The following PDE4D variants were observed in gnomAD, a reference collection of about 807,000 sequenced individuals.
PDE4D encodes the protein 3',5'-cyclic-AMP phosphodiesterase 4D.
In PDE4D, 24 loss-of-function variants were observed where a neutral mutation model predicts 87.4. That is an observed-to-expected ratio of 0.27 (90% confidence interval 0.20 to 0.39). The LOEUF (loss-of-function observed/expected upper bound fraction) is 0.39, where lower values mean the gene tolerates loss of function less well. Among genes scored for constraint, PDE4D ranks in the 10% least tolerant of loss-of-function variants. The probability of loss-of-function intolerance (pLI) is 1.00; values close to 1 mark genes in which losing one functional copy is unlikely to be tolerated. For missense variants in PDE4D, 714 were observed against 1,041.0 expected (o/e 0.69, Z 4.32); for synonymous variants, 384 against 383.2 (o/e 1.00, Z -0.02).
intron 1 of PDE4D, among the ~76,000 whole-genome samples, chr5:59,669,000 A>T (rs1746717609): frequency 6.6e-6 from 1 of 152,170 alleles, no homozygotes; most frequent in Non-Finnish European, 1.5e-5. Context: ...ATACATGCAT[A>T]TTTGGAGGAC....
intron 1 of PDE4D, among the ~76,000 whole-genome samples, chr5:60,465,627 T>A (rs1470306363): frequency 6.6e-6 from 1 of 152,212 alleles, no homozygotes; most frequent in Admixed American, 6.5e-5. Flanking sequence ...TATCAATATC[T>A]GATATTATAA....
At chr5:59,305,951 T>C (rs541169900) in intron 1 of PDE4D, among the ~76,000 whole-genome samples, 205 of 152,264 alleles carry the variant, frequency 1.3e-3, no homozygotes, top group Non-Finnish European at 1.8e-3. Context: ...TGTTGACTTT[T>C]TGTCTTGATG....
intron 1 of PDE4D, among the ~76,000 whole-genome samples, chr5:59,644,978 G>T (rs1446116364): frequency 6.6e-6 from 1 of 152,150 alleles, no homozygotes; most frequent in Non-Finnish European, 1.5e-5. Context: ...TTTGCCCCCT[G>T]AAAAGATTAT....
intron 2 of PDE4D, among the ~76,000 whole-genome samples, chr5:60,143,359 A>C (rs930839223): frequency 1.3e-5 from 2 of 152,224 alleles, no homozygotes; most frequent in Admixed American, 6.5e-5. Flanking sequence ...TCATTCCTTA[A>C]AATATGATTT....
intron 1 of PDE4D, among the ~76,000 whole-genome samples, chr5:59,657,454 A>G (rs966290556): frequency 1.3e-5 from 2 of 152,166 alleles, no homozygotes; most frequent in Admixed American, 6.5e-5. Context: ...TTAGAGCTCA[A>G]ATGAATCTAA....
chr5:60,107,881 G>A lies in PDE4D; in HGVS notation c.42+77676C>T, dbSNP rs970722662. 3.9e-5 allele frequency among the ~76,000 whole-genome samples: 6 copies of A among 152,242 alleles called. No homozygotes were observed. The East Asian group carries it at 1.2e-3, about 29-fold the overall frequency. Reference sequence around the variant, plus strand: ...TCTCAAAATAAGAAGACCTATGTATGACAAACCCACAGCCAATATCATACT... The same window carrying A: ...TCTCAAAATAAGAAGACCTATGTATAACAAACCCACAGCCAATATCATACT... On this transcript the variant is annotated intron_variant, in intron 2 of 16. Coordinates refer to the PDE4D transcript ENST00000502484.
chr5:59,535,794 G>T (rs1371256655), intron 1 of PDE4D, among the ~76,000 whole-genome samples: 1 of 152,162 alleles, frequency 6.6e-6, no homozygotes, highest in Non-Finnish European at 1.5e-5. Context: ...AGCTATAAAG[G>T]CAAACTGGAT....
At chr5:59,908,814 G>A (rs1753126614) in intron 3 of PDE4D, among the ~76,000 whole-genome samples, 2 of 152,178 alleles carry the variant, frequency 1.3e-5, no homozygotes, top group Middle Eastern at 3.4e-3. Context: ...CAGAAATCTT[G>A]ACTAAGAATT....
chr5:59,581,597 T>C (rs1018396013), intron 1 of PDE4D, among the ~76,000 whole-genome samples: 4 of 152,202 alleles, frequency 2.6e-5, no homozygotes, highest in African/African-American at 9.6e-5. Context: ...GCACAAACTA[T>C]TTTACTACAG....
At chr5:59,926,153 T>A (rs1472474876) in intron 3 of PDE4D, among the ~76,000 whole-genome samples, 1 of 151,772 alleles carries the variant, frequency 6.6e-6, no homozygotes, top group Non-Finnish European at 1.5e-5. Context: ...AAAATTGAAA[T>A]AATAGAAAGT....
intron 1 of PDE4D, among the ~76,000 whole-genome samples, chr5:59,699,933 A>G (rs1320421523): frequency 6.6e-6 from 1 of 152,180 alleles, no homozygotes; most frequent in Non-Finnish European, 1.5e-5. Context: ...TAATAGCTTC[A>G]TTTGCACAGG....
chr5:59,043,833 G>A (rs373026641), intron 5 of PDE4D, among the ~76,000 whole-genome samples: 1 of 151,608 alleles, frequency 6.6e-6, no homozygotes, highest in South Asian at 2.1e-4. Context: ...GTGATAGTTT[G>A]CTGAGAATGA....
chr5:59,523,757 C>T (rs543226082), intron 1 of PDE4D, among the ~76,000 whole-genome samples: 10 of 152,144 alleles, frequency 6.6e-5, no homozygotes, highest in African/African-American at 1.4e-4. Flanking sequence ...GTAATCCCCA[C>T]GTTTTGGGGG....
At chr5:60,484,690 C>T (rs915592242) in intron 1 of PDE4D, among the ~76,000 whole-genome samples, 5 of 151,996 alleles carry the variant, frequency 3.3e-5, no homozygotes, top group Non-Finnish European at 5.9e-5. Flanking sequence ...ATGTAAGGTC[C>T]AAAAGCCTTC....
In PDE4D at chr5:60,140,729, T is replaced by C. The variant is rs375798860; in HGVS notation, c.42+44828A>G. ...AAGAGACATTAAGGACTATGAAATG[T>C]ACCCTAGAGGTAAACTGTAGAACCT... On this transcript the variant is annotated intron_variant, in intron 2 of 16. Coordinates refer to the PDE4D transcript ENST00000502484. 7.2e-5 allele frequency among the ~76,000 whole-genome samples: 11 copies of C among 152,282 alleles called. No homozygotes were observed. In the East Asian group the frequency reaches 1.5e-3, roughly 21 times the overall value.
intron 1 of PDE4D, among the ~76,000 whole-genome samples, chr5:60,297,101 AG>A (rs1285795055): frequency 6.6e-6 from 1 of 152,216 alleles, no homozygotes; most frequent in African/African-American, 2.4e-5. Flanking sequence ...TTATAAAAAA[AG>A]GTTTGAGTAT....
In PDE4D at chr5:60,060,438, T is replaced by A. The variant is rs1290685012; in HGVS notation, c.43-71721A>T. 2.0e-5 allele frequency among the ~76,000 whole-genome samples: 3 copies of A among 152,092 alleles called. No homozygotes were observed. In the East Asian group the frequency reaches 5.8e-4, roughly 29 times the overall value. The stretch of plus-strand genomic sequence containing the variant: ...ATTGTCAGTCCACCATACTGACATC[T>A]GATTTACCCCAGTTCCAGGAATGCC... On this transcript the variant is annotated intron_variant, in intron 2 of 16. Coordinates refer to the PDE4D transcript ENST00000502484.
chr5:59,513,790 T>C (rs950647414), intron 1 of PDE4D, among the ~76,000 whole-genome samples: 1 of 152,216 alleles, frequency 6.6e-6, no homozygotes, highest in African/African-American at 2.4e-5. Context: ...CGCTTCATTG[T>C]GGACCACAGG....
chr5:59,846,699 G>T (rs975960982), intron 1 of PDE4D, among the ~76,000 whole-genome samples: 1 of 151,972 alleles, frequency 6.6e-6, no homozygotes, highest in Non-Finnish European at 1.5e-5. Flanking sequence ...CATATGAGGA[G>T]TAGAGAGCTC....
Sources: gnomAD v4.1 joint callset for allele counts (sites outside exome capture counted in the v4.1 genomes callset) on GRCh38, gnomAD v4.1.1 for gene constraint, MANE v1.5 for transcripts, NCBI Gene and HGNC (gene_info 2026-07-23, HGNC 2026-07-21) for gene names.